DLGAP1: variants seen among roughly 807,000 people sequenced by gnomAD.
DLGAP1 encodes the protein disks large-associated protein 1.
DLGAP1 carries 11 observed loss-of-function variants against 90.8 expected under a neutral mutation model. That is an observed-to-expected ratio of 0.12 (90% CI 0.08 to 0.20). The LOEUF is 0.20. DLGAP1 is among the 10% of genes least tolerant of loss of function. The probability of loss-of-function intolerance (pLI) is 1.00; values close to 1 mark genes in which losing one functional copy is unlikely to be tolerated. For synonymous variants in DLGAP1, 558 were observed against 540.7 expected (o/e 1.03, Z -0.44); for missense variants, 1,050 against 1,333.8 (o/e 0.79, Z 3.31).
intron 3 of DLGAP1, among the ~76,000 whole-genome samples, chr18:3,989,239 T>C (rs753985803): frequency 7.2e-5 from 11 of 152,190 alleles, no homozygotes; most frequent in Non-Finnish European, 1.6e-4. Flanking sequence ...GGAAACTATA[T>C]CATGTGAGAA....
chr18:3,835,361 T>A (rs940852923), intron 4 of DLGAP1, among the ~76,000 whole-genome samples: 12 of 152,108 alleles, frequency 7.9e-5, no homozygotes, highest in African/African-American at 2.9e-4. Context: ...GAAAATATCC[T>A]CCTTTCTGGC....
At chr18:3,837,205 AT>A (rs1047536121) in intron 4 of DLGAP1, among the ~76,000 whole-genome samples, 11 of 152,196 alleles carry the variant, frequency 7.2e-5, no homozygotes, top group Non-Finnish European at 1.5e-4. Flanking sequence ...ATCCAAGCAT[AT>A]GTTATTTTCT....
intron 10 of DLGAP1, among the ~76,000 whole-genome samples, chr18:3,518,754 C>T (rs1035362347): frequency 1.3e-5 from 2 of 152,078 alleles, no homozygotes; most frequent in Admixed American, 1.3e-4. Context: ...TATAGGTAAA[C>T]GTGAGAATGC....
At chr18:3,698,810 T>C (rs1462930428) in intron 7 of DLGAP1, among the ~76,000 whole-genome samples, 1 of 152,164 alleles carries the variant, frequency 6.6e-6, no homozygotes, top group African/African-American at 2.4e-5. Context: ...TTTCACATAG[T>C]CCCATATTTC....
At chr18:4,368,734 T>A (rs2144185340) in intron 1 of DLGAP1, among the ~76,000 whole-genome samples, 1 of 151,430 alleles carries the variant, frequency 6.6e-6, no homozygotes, top group East Asian at 1.9e-4. Flanking sequence ...AGATTTATAT[T>A]TTTTTCTAAT....
At chr18:3,746,076 A>AAACAGAAC (rs1282334780) in intron 5 of DLGAP1, among the ~76,000 whole-genome samples, 1 of 152,222 alleles carries the variant, frequency 6.6e-6, no homozygotes, top group Non-Finnish European at 1.5e-5. Flanking sequence ...AGGACTCCAG[A>AAACAGAAC]AACAGAACTA....
intron 3 of DLGAP1, among the ~76,000 whole-genome samples, chr18:3,907,545 T>C (rs1246183386): frequency 1.3e-5 from 2 of 152,296 alleles, no homozygotes; most frequent in East Asian, 1.9e-4. Flanking sequence ...TGATTCAGGC[T>C]GGAGCTGATG....
At chr18:4,004,528 TACTAG>T (rs1258016818) in intron 3 of DLGAP1, among the ~76,000 whole-genome samples, 4 of 152,128 alleles carry the variant, frequency 2.6e-5, no homozygotes, top group African/African-American at 9.7e-5. Context: ...TGAATTAGAT[TACTAG>T]ACTATTCACT....
chr18:4,056,831 C>G (rs2075224194), intron 2 of DLGAP1, among the ~76,000 whole-genome samples: 1 of 152,124 alleles, frequency 6.6e-6, no homozygotes, highest in African/African-American at 2.4e-5. Flanking sequence ...CTTTTATTTT[C>G]AAAGGATTTT....
chr18:4,391,853 G>A (rs1174917033), intron 1 of DLGAP1, among the ~76,000 whole-genome samples: 1 of 151,610 alleles, frequency 6.6e-6, no homozygotes, highest in African/African-American at 2.4e-5. Context: ...AAGCAGTCCA[G>A]CCTCATTCCC....
In DLGAP1 at chr18:3,879,336, C is replaced by T. The variant is rs373210125; in HGVS notation, c.733G>A (p.Glu245Lys). 14 of 1,607,500 alleles carry T rather than the reference C, an allele frequency of 8.7e-6. No individual in the cohort carries two copies. Among genetic ancestry groups the T allele is most frequent in the Admixed American group, 1.7e-5 (1 of 59,070 alleles). The change falls in exon 4 of 13, where the codon GAG becomes AAG. Residue 245 changes from glutamate to lysine, a missense_variant. Physicochemically the swap from Glu to Lys is moderately conservative, Grantham distance 56. Coordinates refer to ENST00000315677, the MANE Select transcript of DLGAP1 (RefSeq NM_004746.4). The surrounding 1 kb of genome is among the most constrained non-coding windows in gnomAD (Gnocchi z 6.6). ...CTCCGGGAGGCCTTCACCGCCTGCT[C>T]GCTGATGGTGTTGTAGGCCTCCAGG... ...YFLEAYNTIS[E>K]QAVKASRSNN...
chr18:3,799,814 C>T (rs1442638684), intron 5 of DLGAP1, among the ~76,000 whole-genome samples: 1 of 152,156 alleles, frequency 6.6e-6, no homozygotes, highest in Admixed American at 6.5e-5. Context: ...TTCCTCCCTC[C>T]CGCTAATACT....
At chr18:3,943,275 A>G (rs1468266067) in intron 3 of DLGAP1, among the ~76,000 whole-genome samples, 1 of 152,192 alleles carries the variant, frequency 6.6e-6, no homozygotes, top group Non-Finnish European at 1.5e-5. Context: ...AAAGGGAAAA[A>G]GGAACAACAA....
chr18:4,393,104 A>G (rs187572397), intron 1 of DLGAP1, among the ~76,000 whole-genome samples: 1 of 152,324 alleles, frequency 6.6e-6, no homozygotes, highest in Admixed American at 6.5e-5. Context: ...GTTTCTTTCC[A>G]GCAAAATAAA....
At chr18:3,643,229 T>C (rs1012101708) in intron 7 of DLGAP1, among the ~76,000 whole-genome samples, 6 of 144,670 alleles carry the variant, frequency 4.1e-5, no homozygotes, top group African/African-American at 1.5e-4. Flanking sequence ...GGAGGACAGA[T>C]GAAAGAAAAA....
At chr18:3,581,755 G>T in intron 8 of DLGAP1, 120 bp downstream of exon 8, 1 of 1,278,852 alleles carries the variant, frequency 7.8e-7, no homozygotes, top group Non-Finnish European at 1.1e-6. Flanking sequence ...TGAAAATCTG[G>T]TCCTATGCAT....
rs370485112 is a variant in DLGAP1 at position 4,052,350 on chromosome 18, T to C, written c.-158-47149A>G. ...GAAATCTAGGTGGAGATTCCCAAAC[T>C]TCAAGTTTTGTCTTCTGCGCACCCA... On this transcript the variant is annotated intron_variant, in intron 2 of 12. Transcript: ENST00000315677. Among the ~76,000 whole-genome samples the C allele has an allele frequency of 3.0e-4, 46 of 152,280 alleles. No individual in the cohort carries two copies. The South Asian group carries it at 9.3e-3, about 31-fold the overall frequency.
intron 1 of DLGAP1, among the ~76,000 whole-genome samples, chr18:4,337,829 CATAGCTGAAATGAA>C (rs1048695322): frequency 3.9e-5 from 6 of 152,138 alleles, no homozygotes; most frequent in Non-Finnish European, 8.8e-5. Context: ...TTCATACTTT[CATAGCTGAAATGAA>C]ATTTCAGCTA....
At chr18:4,397,783 T>C (rs939968876) in intron 1 of DLGAP1, among the ~76,000 whole-genome samples, 10 of 152,210 alleles carry the variant, frequency 6.6e-5, no homozygotes, top group African/African-American at 2.4e-4. Context: ...TCTTACCATA[T>C]GTTAGGAACC....
Sources: gnomAD v4.1 joint callset for allele counts (sites outside exome capture counted in the v4.1 genomes callset) on GRCh38, gnomAD v4.1.1 for gene constraint, Gnocchi (gnomAD v3.1) non-coding constraint, MANE v1.5 for transcripts, NCBI Gene and HGNC (gene_info 2026-07-23, HGNC 2026-07-21) for gene names.